ADGRB3: variants seen among roughly 807,000 people sequenced by gnomAD.
ADGRB3 encodes the protein brain-specific angiogenesis inhibitor 3.
In ADGRB3, 37 loss-of-function variants were observed where a neutral mutation model predicts 193.4. That is an observed-to-expected ratio of 0.19 (90% CI 0.15 to 0.25). The LOEUF is 0.25. Among genes scored for constraint, ADGRB3 ranks in the 10% least tolerant of loss-of-function variants. ADGRB3 has a pLI of 1.00. For synonymous variants in ADGRB3, 690 were observed against 644.2 expected, an observed-to-expected ratio of 1.07 and a Z score of -1.08; for missense variants, 1,637 against 1,852.9, an observed-to-expected ratio of 0.88 and a Z score of 2.14.
At chr6:68,957,255 C>G (rs1179497278) in intron 8 of ADGRB3, among the ~76,000 whole-genome samples, 1 of 151,988 alleles carries the variant, frequency 6.6e-6, no homozygotes, top group East Asian at 1.9e-4. Flanking sequence ...GTCTTAATTG[C>G]TAATGAAAAA....
At chr6:68,882,999 T>C (rs1457437480) in intron 3 of ADGRB3, among the ~76,000 whole-genome samples, 1 of 152,154 alleles carries the variant, frequency 6.6e-6, no homozygotes, top group Admixed American at 6.5e-5. Context: ...GTTCACGCCA[T>C]TCTCCTGCCT....
At chr6:69,230,537 C>G (rs1766110406) in intron 17 of ADGRB3, among the ~76,000 whole-genome samples, 1 of 151,946 alleles carries the variant, frequency 6.6e-6, no homozygotes, top group African/African-American at 2.4e-5. Flanking sequence ...TAGGAATAAG[C>G]TATGAAAAGT....
chr6:69,055,778 A>G (rs1771526887), intron 15 of ADGRB3, among the ~76,000 whole-genome samples: 1 of 152,044 alleles, frequency 6.6e-6, no homozygotes, highest in Admixed American at 6.6e-5. Context: ...CATCCTTGTC[A>G]ACATTTGTTA....
At chr6:69,291,322 G>T (rs1008158905) in intron 20 of ADGRB3, among the ~76,000 whole-genome samples, 17 of 151,836 alleles carry the variant, frequency 1.1e-4, no homozygotes, top group Admixed American at 6.6e-5. Context: ...GTATATAAAC[G>T]CATGAATTAT....
At chr6:68,768,930 C>T (rs970109726) in intron 3 of ADGRB3, among the ~76,000 whole-genome samples, 8 of 151,114 alleles carry the variant, frequency 5.3e-5, no homozygotes, top group African/African-American at 9.7e-5. Flanking sequence ...AACAAACATA[C>T]GAAAAAAAAG....
At chr6:69,355,472 A>G (rs1256859755) in intron 27 of ADGRB3, among the ~76,000 whole-genome samples, 2 of 152,212 alleles carry the variant, frequency 1.3e-5, no homozygotes, top group East Asian at 3.8e-4. Flanking sequence ...TTATTTAAGA[A>G]TATTCATAAT....
rs147680119 is a variant in ADGRB3, at chr6:69,337,109, T to C, written c.3189-1807T>C. Among the ~76,000 whole-genome samples the C allele has an allele frequency of 1.9e-3, 285 of 152,252 alleles. 1 individual carries two copies. Among genetic ancestry groups the C allele is most frequent in the African/African-American group, 6.4e-3 (264 of 41,556 alleles). ...GGCCCATACTTAGATTAAATCACAG[T>C]TTTCAGGTCTAAAATACTTACACTA... On this transcript the variant is annotated intron_variant, in intron 24 of 31. Transcript: ENST00000370598.
chr6:68,701,083 A>G (rs556128555), intron 3 of ADGRB3, among the ~76,000 whole-genome samples: 1 of 152,318 alleles, frequency 6.6e-6, no homozygotes, highest in South Asian at 2.1e-4. Flanking sequence ...CTTTGATTCT[A>G]TGCCGAAATT....
chr6:68,862,780 A>G (rs961598517), intron 3 of ADGRB3, among the ~76,000 whole-genome samples: 1 of 151,956 alleles, frequency 6.6e-6, no homozygotes, highest in Non-Finnish European at 1.5e-5. Context: ...CTTTTGGATG[A>G]TTGTTTTAGC....
intron 3 of ADGRB3, among the ~76,000 whole-genome samples, chr6:68,753,132 G>A (rs553091697): frequency 6.6e-6 from 1 of 152,270 alleles, no homozygotes; most frequent in Admixed American, 6.5e-5. Context: ...AGGCGATAGG[G>A]ATAGTGTGGT....
intron 20 of ADGRB3, among the ~76,000 whole-genome samples, chr6:69,263,870 T>A (rs1370974693): frequency 6.6e-6 from 1 of 151,994 alleles, no homozygotes; most frequent in African/African-American, 2.4e-5. Context: ...ATACAGTGAT[T>A]AGCAGCAGAG....
chr6:69,334,083 C>T (rs1335479535), intron 24 of ADGRB3, among the ~76,000 whole-genome samples: 4 of 151,734 alleles, frequency 2.6e-5, no homozygotes, highest in East Asian at 3.9e-4. Context: ...TTTAAGGTGA[C>T]ATCATCCTTT....
At chr6:68,869,670 A>G (rs1765402838) in intron 3 of ADGRB3, among the ~76,000 whole-genome samples, 1 of 151,806 alleles carries the variant, frequency 6.6e-6, no homozygotes, top group Non-Finnish European at 1.5e-5. Flanking sequence ...GGACTCTCAC[A>G]TATGAAAAAT....
At chr6:69,126,784 C>A (rs1027840608) in intron 17 of ADGRB3, among the ~76,000 whole-genome samples, 1 of 152,190 alleles carries the variant, frequency 6.6e-6, no homozygotes, top group Non-Finnish European at 1.5e-5. Context: ...AACCATCACA[C>A]TTACCTTCCT....
intron 17 of ADGRB3, among the ~76,000 whole-genome samples, chr6:69,115,799 A>T (rs973395521): frequency 6.6e-6 from 1 of 152,290 alleles, no homozygotes; most frequent in Middle Eastern, 3.4e-3. Flanking sequence ...GTCTCCCAAG[A>T]TGGTTCCCAG....
At chr6:69,386,383 A>G (rs1582671881) in intron 31 of ADGRB3, among the ~76,000 whole-genome samples, 2 of 152,220 alleles carry the variant, frequency 1.3e-5, no homozygotes, top group Middle Eastern at 6.8e-3. Flanking sequence ...TTTCAAACTA[A>G]GGATTCCCAG....
chr6:68,775,513 A>G (rs1766729732), intron 3 of ADGRB3, among the ~76,000 whole-genome samples: 2 of 152,152 alleles, frequency 1.3e-5, no homozygotes, highest in Admixed American at 1.3e-4. Context: ...TTCATGCCAT[A>G]CTTCCAAAGA....
intron 11 of ADGRB3, among the ~76,000 whole-genome samples, chr6:69,012,693 G>A (rs555715791): frequency 3.7e-4 from 57 of 152,134 alleles, no homozygotes; most frequent in African/African-American, 1.3e-3. Context: ...CCATGTGATT[G>A]CCAGGTACTA....
chr6:69,056,651 G>A (rs190732566), intron 15 of ADGRB3, among the ~76,000 whole-genome samples: 2 of 152,178 alleles, frequency 1.3e-5, no homozygotes, highest in East Asian at 3.9e-4. Context: ...TTTATATGGT[G>A]TAGGCACATG....
Sources: allele counts gnomAD v4.1 joint callset (sites outside exome capture counted in the v4.1 genomes callset), GRCh38; gene constraint gnomAD v4.1.1; transcripts MANE v1.5; gene names NCBI Gene and HGNC (gene_info 2026-07-23, HGNC 2026-07-21).